The following ARL15 variants were observed in gnomAD, a reference collection of about 807,000 sequenced individuals.
ARL15 encodes ARF like GTPase 15, also known as ADP-ribosylation factor-like protein 15.
ARL15 carries 19 observed loss-of-function variants against 25.2 expected under a neutral mutation model. The ratio of observed to expected loss-of-function variants is 0.75; its 90% CI spans 0.53 to 1.10. The LOEUF is 1.10. ARL15 is among the 50% of genes least tolerant of loss of function. The probability of loss-of-function intolerance (pLI) is 0.00; values close to 1 mark genes in which losing one functional copy is unlikely to be tolerated. For synonymous variants in ARL15, 94 were observed against 86.8 expected, an observed-to-expected ratio of 1.08 and a Z score of -0.46; for missense variants, 220 against 246.0, an observed-to-expected ratio of 0.89 and a Z score of 0.71.
intron 1 of ARL15, among the ~76,000 whole-genome samples, chr5:54,198,166 A>G (rs750246019): frequency 6.6e-6 from 1 of 152,210 alleles, no homozygotes; most frequent in Non-Finnish European, 1.5e-5. Flanking sequence ...TCAGCTATCT[A>G]TGACAAACCC....
In ARL15 at chr5:53,946,004, C is replaced by T. The variant is rs143372815; in HGVS notation, c.463-59291G>A. On this transcript the variant is annotated intron_variant, in intron 4 of 4. Coordinates refer to ENST00000504924, the MANE Select transcript of ARL15 (RefSeq NM_019087.3). The stretch of plus-strand genomic sequence containing the variant: ...CCATCTGCATTTGACCCTGATATTC[C>T]ACCCTTTAGCTGTGTGGCATTGGGA... 4.4e-3 allele frequency among the ~76,000 whole-genome samples: 665 copies of T among 152,322 alleles called. 7 individuals carry two copies. The highest frequency in any genetic ancestry group is 0.013 in the African/African-American group (554 of 41,562).
At chr5:53,969,750 T>C (rs1747676229) in intron 4 of ARL15, among the ~76,000 whole-genome samples, 1 of 152,144 alleles carries the variant, frequency 6.6e-6, no homozygotes, top group East Asian at 1.9e-4. Context: ...CTCAAGTGCC[T>C]AGAATATTCT....
chr5:54,240,237 A>T (rs1756923479), intron 1 of ARL15, among the ~76,000 whole-genome samples: 2 of 147,020 alleles, frequency 1.4e-5, no homozygotes. Context: ...AAAAATAAAA[A>T]AAAAAAAAAC....
chr5:54,238,487 GT>G (rs754103358), intron 1 of ARL15, among the ~76,000 whole-genome samples: 2 of 152,170 alleles, frequency 1.3e-5, no homozygotes, highest in African/African-American at 2.4e-5. Flanking sequence ...GTGAATTTGA[GT>G]CTCGCAGGAT....
chr5:54,265,896 C>T (rs868408278), intron 1 of ARL15, among the ~76,000 whole-genome samples: 3 of 152,328 alleles, frequency 2.0e-5, no homozygotes, highest in South Asian at 4.1e-4. Flanking sequence ...TATTAAGCCT[C>T]GTTTAACCTC....
At chr5:54,140,017 A>C (rs2112306052) in intron 3 of ARL15, among the ~76,000 whole-genome samples, 1 of 152,312 alleles carries the variant, frequency 6.6e-6, no homozygotes, top group African/African-American at 2.4e-5. Context: ...ACAACTTGAT[A>C]AATGTTTGCA....
intron 4 of ARL15, among the ~76,000 whole-genome samples, chr5:53,912,695 T>C (rs1745503459): frequency 6.6e-6 from 1 of 152,216 alleles, no homozygotes; most frequent in Non-Finnish European, 1.5e-5. Context: ...CCACATATCA[T>C]GTGAGGTCCA....
chr5:54,218,251 G>C (rs1308403964), intron 1 of ARL15, among the ~76,000 whole-genome samples: 3 of 152,108 alleles, frequency 2.0e-5, no homozygotes, highest in Non-Finnish European at 2.9e-5. Flanking sequence ...TATTCAAAAA[G>C]AGCATGGTTT....
chr5:54,025,713 A>G (rs17252060), intron 4 of ARL15, among the ~76,000 whole-genome samples: 2,313 of 152,272 alleles, frequency 0.015, 28 homozygotes, highest in Non-Finnish European at 0.025. Flanking sequence ...CACATTAGTG[A>G]GAAAGCTATT....
intron 4 of ARL15, among the ~76,000 whole-genome samples, chr5:54,093,697 A>G (rs1038894933): frequency 5.3e-5 from 8 of 151,612 alleles, no homozygotes; most frequent in Non-Finnish European, 2.9e-5. Flanking sequence ...AAGTTAAAAA[A>G]AAAAAAAAGA....
intron 4 of ARL15, among the ~76,000 whole-genome samples, chr5:53,953,492 A>C (rs776339010): frequency 3.3e-5 from 5 of 152,186 alleles, no homozygotes; most frequent in Non-Finnish European, 5.9e-5. Context: ...GAAGCAGAGA[A>C]TATATTGAGG....
At chr5:54,179,811 A>T (rs964761710) in intron 1 of ARL15, among the ~76,000 whole-genome samples, 2 of 152,068 alleles carry the variant, frequency 1.3e-5, no homozygotes, top group Admixed American at 6.5e-5. Flanking sequence ...TGAGGTCAGG[A>T]GTTCGAGACC....
In ARL15 at chr5:53,948,824, C is replaced by T. The variant is rs190652286; in HGVS notation, c.463-62111G>A. Among the ~76,000 whole-genome samples the T allele has an allele frequency of 5.0e-4, 76 of 152,288 alleles. 1 individual carries two copies. The East Asian group carries it at 0.01, about 20-fold the overall frequency. Reference sequence around the variant, plus strand: ...ATTCCTTCACATTGATCAGAACTCACTTCACTGAGAAGTACTGCACTAAAG... The same window carrying T: ...ATTCCTTCACATTGATCAGAACTCATTTCACTGAGAAGTACTGCACTAAAG... On this transcript the variant is annotated intron_variant, in intron 4 of 4. Coordinates refer to ENST00000504924, the MANE Select transcript of ARL15 (RefSeq NM_019087.3).
intron 2 of ARL15, among the ~76,000 whole-genome samples, chr5:54,159,180 C>T (rs566101140): frequency 6.6e-6 from 1 of 152,204 alleles, no homozygotes; most frequent in Admixed American, 6.5e-5. Context: ...GGTCTATATG[C>T]CATTGCTTTC....
chr5:53,921,486 G>A (rs1285647771), intron 4 of ARL15, among the ~76,000 whole-genome samples: 1 of 152,186 alleles, frequency 6.6e-6, no homozygotes, highest in Non-Finnish European at 1.5e-5. Flanking sequence ...AATTTTTGCA[G>A]ATGATTTCAC....
At chr5:53,929,183 A>AT (rs1476452273) in intron 4 of ARL15, among the ~76,000 whole-genome samples, 1 of 152,092 alleles carries the variant, frequency 6.6e-6, no homozygotes, top group Non-Finnish European at 1.5e-5. Context: ...AAAAAAAAAA[A>AT]AAATACATAA....
chr5:54,165,685 C>T (rs188065), intron 2 of ARL15, among the ~76,000 whole-genome samples: 139,840 of 150,326 alleles, frequency 0.93, 65,209 homozygotes, highest in East Asian at 1. Flanking sequence ...TGTTTATATG[C>T]ATATTTATAT....
chr5:54,090,864 A>G (rs941207386), intron 4 of ARL15, among the ~76,000 whole-genome samples: 9 of 152,210 alleles, frequency 5.9e-5, no homozygotes, highest in Admixed American at 1.3e-4. Context: ...ACAAGGGGCT[A>G]TAACAAGACA....
intron 4 of ARL15, among the ~76,000 whole-genome samples, chr5:53,945,428 G>T (rs1309689355): frequency 6.6e-6 from 1 of 152,132 alleles, no homozygotes; most frequent in African/African-American, 2.4e-5. Context: ...CGTTAACTCA[G>T]TTTGTTTAGG....
Sources: allele counts gnomAD v4.1 joint callset (sites outside exome capture counted in the v4.1 genomes callset), GRCh38; gene constraint gnomAD v4.1.1; transcripts MANE v1.5; gene names NCBI Gene and HGNC (gene_info 2026-07-23, HGNC 2026-07-21).